The following ZNF532 variants were observed in gnomAD, a reference collection of about 807,000 sequenced individuals.
ZNF532 encodes zinc finger protein 532.
In ZNF532, 22 loss-of-function variants were observed where a neutral mutation model predicts 89.3. That is an observed-to-expected ratio of 0.25 (90% CI 0.18 to 0.35). The LOEUF (loss-of-function observed/expected upper bound fraction) is 0.35, where lower values mean the gene tolerates loss of function less well. ZNF532 is among the 10% of genes least tolerant of loss of function. ZNF532 has a pLI of 1.00. For synonymous variants in ZNF532, 606 were observed against 649.6 expected (o/e 0.93, Z 1.02); for missense variants, 1,132 against 1,643.4 (o/e 0.69, Z 5.38).
chr18:58,983,245 G>A (rs2068037800), intron 9 of ZNF532, among the ~76,000 whole-genome samples: 1 of 152,218 alleles, frequency 6.6e-6, no homozygotes, highest in Admixed American at 6.5e-5. Context: ...GGGATTCAGA[G>A]TGGGATTTAG....
intron 7 of ZNF532, among the ~76,000 whole-genome samples, chr18:58,976,383 A>G (rs533850685): frequency 4.0e-5 from 6 of 151,198 alleles, no homozygotes; most frequent in African/African-American, 1.5e-4. Context: ...ATATTACTAC[A>G]CAAGAAGAAA....
intron 7 of ZNF532, chr18:58,977,363 C>G (rs1011123334): frequency 2.0e-4 from 31 of 152,152 alleles, no homozygotes; most frequent in African/African-American, 7.2e-4. Flanking sequence ...CTGTTGCAAG[C>G]CCACCTCACA....
intron 9 of ZNF532, 79 bp from the exon 10 acceptor site, chr18:58,983,893 A>G (rs763895847): frequency 5.1e-5 from 77 of 1,513,032 alleles, no homozygotes; most frequent in Middle Eastern, 5.0e-4. Flanking sequence ...TGGCAGCTCT[A>G]AAGTAAGAGA....
Position 58,888,789 on chromosome 18 carries a change from TA to T in ZNF532, c.-18+23211del, listed in dbSNP as rs1210518451. Among the ~76,000 whole-genome samples, 116 of 49,466 alleles carry T rather than the reference TA, an allele frequency of 2.3e-3. 3 individuals carry two copies. The highest frequency in any genetic ancestry group is 0.013 in the African/African-American group (101 of 8,010). 32.5% of individuals were successfully genotyped at this position (49,466 alleles called of 152,430 possible). On this transcript the variant is annotated intron_variant, in intron 2 of 9. Transcript: ENST00000591808. ...ATATATAATTTATATATATATAAAA[TA>T]TATATAATTTATATATATAAAAAAT...
chr18:58,918,832 A>G lies in ZNF532; in HGVS notation c.545A>G (p.Glu182Gly). The stretch of plus-strand genomic sequence containing the variant: ...GATAAGCTGAAGGCACTCGGAGGGG[A>G]AAACTCCAGCAAAACTGGACTCTCT... ...DYDKLKALGGENSSKTGLSTS... is the reference protein window; with the variant it reads ...DYDKLKALGGGNSSKTGLSTS... The change falls in exon 3 of 10, where the codon GAA becomes GGA. Residue 182 changes from glutamate (E) to glycine (G), a missense_variant. This residue lies in a region of ZNF532 where 302 missense variants were observed against 319.8 expected (regional missense o/e 0.94). Coordinates refer to ENST00000591808, the MANE Select transcript of ZNF532 (RefSeq NM_001375912.1). 6.2e-7 allele frequency: 1 copy of G among 1,614,212 alleles called. No homozygotes were observed. The highest frequency in any genetic ancestry group is 8.5e-7 in the Non-Finnish European group (1 of 1,180,046).
intron 2 of ZNF532, among the ~76,000 whole-genome samples, chr18:58,866,408 C>CT (rs2056465511): frequency 2.0e-5 from 3 of 152,192 alleles, no homozygotes; most frequent in African/African-American, 7.2e-5. Context: ...CAGGAGAACA[C>CT]TCAACATTTT....
chr18:58,904,519 G>A (rs2059803619), intron 2 of ZNF532, among the ~76,000 whole-genome samples: 1 of 152,104 alleles, frequency 6.6e-6, no homozygotes, highest in African/African-American at 2.4e-5. Context: ...TTATATTGCT[G>A]TTGTGGAAGG....
chr18:58,967,542 C>G (rs894299329), intron 7 of ZNF532, among the ~76,000 whole-genome samples: 13 of 152,200 alleles, frequency 8.5e-5, no homozygotes, highest in Non-Finnish European at 1.8e-4. Flanking sequence ...CCACCCTGCC[C>G]CCCCGTGCAC....
At chr18:58,950,957 CTT>C (rs35733502) in intron 6 of ZNF532, among the ~76,000 whole-genome samples, 1 of 146,300 alleles carries the variant, frequency 6.8e-6, no homozygotes, top group African/African-American at 2.5e-5. Context: ...TTTTCAGAGT[CTT>C]TTTTTTTTTT....
At chr18:58,916,476 G>T (rs2145997079) in intron 2 of ZNF532, among the ~76,000 whole-genome samples, 1 of 152,028 alleles carries the variant, frequency 6.6e-6, no homozygotes, top group Non-Finnish European at 1.5e-5. Context: ...TGGTGCTGGG[G>T]GTATGTTATT....
At chr18:58,865,938 G>C (rs1479128754) in intron 2 of ZNF532, among the ~76,000 whole-genome samples, 1 of 152,176 alleles carries the variant, frequency 6.6e-6, no homozygotes, top group African/African-American at 2.4e-5. Flanking sequence ...AAAAGGAAGG[G>C]CTTCACCAAA....
chr18:58,893,123 C>T (rs1045796786), intron 2 of ZNF532, among the ~76,000 whole-genome samples: 3 of 151,902 alleles, frequency 2.0e-5, no homozygotes, highest in South Asian at 2.1e-4. Flanking sequence ...GGATTACAGG[C>T]GTGTGCCACC....
chr18:58,892,524 A>G (rs1302234876), intron 2 of ZNF532, among the ~76,000 whole-genome samples: 1 of 152,262 alleles, frequency 6.6e-6, no homozygotes, highest in Non-Finnish European at 1.5e-5. Context: ...GAGGCCTCCC[A>G]GAGGCCTTTG....
At chr18:58,906,804 C>G (rs543801620) in intron 2 of ZNF532, among the ~76,000 whole-genome samples, 6 of 152,108 alleles carry the variant, frequency 3.9e-5, no homozygotes, top group Non-Finnish European at 8.8e-5. Flanking sequence ...GATCTGAATT[C>G]CAGTATTAAT....
At chr18:58,915,289 G>A (rs944753296) in intron 2 of ZNF532, among the ~76,000 whole-genome samples, 3 of 152,084 alleles carry the variant, frequency 2.0e-5, no homozygotes, top group Non-Finnish European at 4.4e-5. Context: ...GCTTCTAGTC[G>A]GCCTTCCTGC....
chr18:58,920,769 TGTGTGTGTG>T, intron 3 of ZNF532, 136 bp downstream of exon 3: 4 of 658,776 alleles, frequency 6.1e-6, no homozygotes, highest in Non-Finnish European at 1.0e-5. Context: ...TGTGTGTGTG[TGTGTGTGTG>T]TGTGTGTGTG....
At chr18:58,909,486 G>T (rs979575696) in intron 2 of ZNF532, among the ~76,000 whole-genome samples, 1 of 152,178 alleles carries the variant, frequency 6.6e-6, no homozygotes, top group Non-Finnish European at 1.5e-5. Context: ...GAGTTGCTGA[G>T]GTTGCCTTTC....
chr18:58,918,187 T>C (rs1568310615), intron 2 of ZNF532, 84 bp from the exon 3 acceptor site: 9 of 1,245,638 alleles, frequency 7.2e-6, no homozygotes, highest in Admixed American at 7.2e-5. Flanking sequence ...GTAATCGTTA[T>C]GTTAGTGTGA....
chr18:58,962,980 C>T (rs1159516623), intron 7 of ZNF532, among the ~76,000 whole-genome samples: 5 of 152,148 alleles, frequency 3.3e-5, no homozygotes, highest in Admixed American at 1.3e-4. Context: ...TGGGATCTGC[C>T]GCACACCTGC....
Sources: allele counts gnomAD v4.1 joint callset (sites outside exome capture counted in the v4.1 genomes callset), GRCh38; gene constraint gnomAD v4.1.1; regional missense constraint gnomAD v4.1.1; transcripts MANE v1.5; gene names NCBI Gene and HGNC (gene_info 2026-07-23, HGNC 2026-07-21).